Variants in ROBO2 observed in about 807,000 individuals in gnomAD.
ROBO2 encodes roundabout homolog 2.
ROBO2 carries 53 observed loss-of-function variants against 160.8 expected under a neutral mutation model. The ratio of observed to expected loss-of-function variants is 0.33; its 90% CI spans 0.26 to 0.41. ROBO2 has a LOEUF of 0.41. Ranked by LOEUF, ROBO2 falls within the 10% of genes least tolerant of loss-of-function variation. The probability of loss-of-function intolerance (pLI) is 1.00; values close to 1 mark genes in which losing one functional copy is unlikely to be tolerated. For synonymous variants in ROBO2, 664 were observed against 611.7 expected (o/e 1.09, Z -1.26); for missense variants, 1,577 against 1,722.4 (o/e 0.92, Z 1.49).
intron 2 of ROBO2, among the ~76,000 whole-genome samples, chr3:76,309,887 C>T (rs1184815163): frequency 6.6e-6 from 1 of 152,086 alleles, no homozygotes; most frequent in African/African-American, 2.4e-5. Flanking sequence ...ATAGTGGCAC[C>T]ATCATGACTT....
At chr3:76,925,143 G>T (rs925706025) in intron 2 of ROBO2, among the ~76,000 whole-genome samples, 2 of 148,140 alleles carry the variant, frequency 1.4e-5, no homozygotes, top group African/African-American at 4.9e-5. Flanking sequence ...CCCGGGAGGC[G>T]GAGCTTGCAG....
chr3:76,015,724 G>A (rs945769258), intron 2 of ROBO2, among the ~76,000 whole-genome samples: 4 of 152,152 alleles, frequency 2.6e-5, no homozygotes, highest in African/African-American at 9.7e-5. Context: ...AAGAAAACCA[G>A]GTGACAAGTT....
At chr3:76,487,371 A>G (rs908178007) in intron 2 of ROBO2, among the ~76,000 whole-genome samples, 1 of 152,122 alleles carries the variant, frequency 6.6e-6, no homozygotes, top group Non-Finnish European at 1.5e-5. Flanking sequence ...AAAGGGGGAT[A>G]AAAACGTATG....
At chr3:77,045,243 G>A (rs1446059424) in intron 1 of ROBO2, among the ~76,000 whole-genome samples, 3 of 152,150 alleles carry the variant, frequency 2.0e-5, no homozygotes, top group African/African-American at 7.2e-5. Flanking sequence ...ATAGCATCTA[G>A]GGTAGCATGC....
At chr3:77,571,052 C>T (rs973175706) in intron 13 of ROBO2, among the ~76,000 whole-genome samples, 4 of 151,836 alleles carry the variant, frequency 2.6e-5, no homozygotes, top group African/African-American at 7.3e-5. Context: ...AGTCACTTAC[C>T]GAAAAATGAT....
At chr3:76,046,864 T>C (rs926777620) in intron 2 of ROBO2, among the ~76,000 whole-genome samples, 3 of 150,606 alleles carry the variant, frequency 2.0e-5, no homozygotes, top group Non-Finnish European at 4.4e-5. Context: ...TGCATGTTAA[T>C]TGGAAAACTC....
intron 2 of ROBO2, among the ~76,000 whole-genome samples, chr3:76,215,740 G>A (rs1336022839): frequency 1.3e-5 from 2 of 152,286 alleles, no homozygotes; most frequent in Admixed American, 1.3e-4. Context: ...CTCTCTTCAG[G>A]TTATTATCCA....
At chr3:76,399,894 G>T (rs2077714505) in intron 2 of ROBO2, among the ~76,000 whole-genome samples, 1 of 151,678 alleles carries the variant, frequency 6.6e-6, no homozygotes, top group Admixed American at 6.6e-5. Flanking sequence ...GATACAGTTT[G>T]ACTTTGATAG....
At chr3:76,394,778 A>T (rs567496274) in intron 2 of ROBO2, among the ~76,000 whole-genome samples, 1 of 152,142 alleles carries the variant, frequency 6.6e-6, no homozygotes, top group Non-Finnish European at 1.5e-5. Flanking sequence ...AGAGCTAACT[A>T]TCCTAAATAT....
chr3:75,984,784 A>C (rs1236342327), intron 2 of ROBO2, among the ~76,000 whole-genome samples: 1 of 151,400 alleles, frequency 6.6e-6, no homozygotes, highest in African/African-American at 2.4e-5. Flanking sequence ...CAACCCAGAA[A>C]ATCTGGCTTA....
At chr3:75,945,548 G>A (rs567053378) in intron 2 of ROBO2, among the ~76,000 whole-genome samples, 2 of 151,922 alleles carry the variant, frequency 1.3e-5, no homozygotes, top group South Asian at 2.1e-4. Context: ...ATTTTAAACG[G>A]TCACTATTGA....
At chr3:77,619,516 C>T (rs1043582047) in intron 22 of ROBO2, among the ~76,000 whole-genome samples, 10 of 152,144 alleles carry the variant, frequency 6.6e-5, no homozygotes, top group African/African-American at 2.2e-4. Flanking sequence ...GGAATCATAG[C>T]GTTACTTTCC....
At chr3:77,473,109 C>G (rs1488315518) in intron 2 of ROBO2, among the ~76,000 whole-genome samples, 1 of 152,012 alleles carries the variant, frequency 6.6e-6, no homozygotes, top group Non-Finnish European at 1.5e-5. Context: ...TATAGATGAG[C>G]TTGAGGATGC....
At chr3:76,036,933 A>G (rs62267240) in intron 2 of ROBO2, among the ~76,000 whole-genome samples, 2 of 152,058 alleles carry the variant, frequency 1.3e-5, no homozygotes, top group Admixed American at 6.5e-5. Flanking sequence ...ACATTTTACC[A>G]TAGCGAACTT....
At chr3:76,078,316 C>A (rs1348251801) in intron 2 of ROBO2, among the ~76,000 whole-genome samples, 1 of 152,266 alleles carries the variant, frequency 6.6e-6, no homozygotes, top group East Asian at 1.9e-4. Flanking sequence ...ATCTTTTGCA[C>A]AACTCAGTCC....
intron 2 of ROBO2, among the ~76,000 whole-genome samples, chr3:77,416,420 A>G (rs2077225209): frequency 6.6e-6 from 1 of 152,172 alleles, no homozygotes; most frequent in Non-Finnish European, 1.5e-5. Context: ...CTTTCTGCCC[A>G]GAAATTTATC....
chr3:76,923,307 C>T (rs1248632501), intron 2 of ROBO2, among the ~76,000 whole-genome samples: 1 of 152,224 alleles, frequency 6.6e-6, no homozygotes, highest in Non-Finnish European at 1.5e-5. Flanking sequence ...AATGTTCCCT[C>T]ATAATGTTCC....
At chr3:76,116,759 G>GT (rs1159860308) in intron 2 of ROBO2, among the ~76,000 whole-genome samples, 2 of 152,166 alleles carry the variant, frequency 1.3e-5, no homozygotes, top group Non-Finnish European at 2.9e-5. Context: ...GTGTTATACT[G>GT]TTGTCAGCCA....
intron 2 of ROBO2, among the ~76,000 whole-genome samples, chr3:76,117,894 G>A (rs916835338): frequency 4.6e-5 from 7 of 152,002 alleles, no homozygotes; most frequent in African/African-American, 1.7e-4. Context: ...GGCCAGGGAA[G>A]GTTTATTTGA....
Sources: gnomAD v4.1 joint callset for allele counts (sites outside exome capture counted in the v4.1 genomes callset) on GRCh38, gnomAD v4.1.1 for gene constraint, MANE v1.5 for transcripts, NCBI Gene and HGNC (gene_info 2026-07-23, HGNC 2026-07-21) for gene names.